KIAA2012: variants seen among roughly 807,000 people sequenced by gnomAD.
The protein encoded by KIAA2012 is uncharacterized protein KIAA2012.
Under a neutral mutation model 150.6 loss-of-function variants are expected in KIAA2012, and 125 were observed. The ratio of observed to expected loss-of-function variants is 0.83; its 90% CI spans 0.72 to 0.96. The LOEUF (loss-of-function observed/expected upper bound fraction) is 0.96. Among genes scored for constraint, KIAA2012 ranks in the 40% least tolerant of loss-of-function variants. The probability of loss-of-function intolerance (pLI) is 0.00; values close to 1 mark genes in which losing one functional copy is unlikely to be tolerated. For synonymous variants in KIAA2012, 462 were observed against 504.7 expected (o/e 0.92, Z 1.13); for missense variants, 1,219 against 1,354.9 (o/e 0.90, Z 1.57).
At chr2:202,175,318 A>C (rs1040462152) in intron 15 of KIAA2012, among the ~76,000 whole-genome samples, 2 of 152,228 alleles carry the variant, frequency 1.3e-5, no homozygotes, top group Non-Finnish European at 2.9e-5. Context: ...GTGCAATTTC[A>C]ATTTTAAAAA....
intron 15 of KIAA2012, among the ~76,000 whole-genome samples, chr2:202,174,888 C>T (rs1053046166): frequency 1.1e-4 from 16 of 152,110 alleles, no homozygotes; most frequent in Admixed American, 5.9e-4. Context: ...TGCTGGTGCG[C>T]TGCACCGAGA....
intron 22 of KIAA2012, among the ~76,000 whole-genome samples, chr2:202,200,778 C>T (rs1475300944): frequency 7.3e-6 from 1 of 137,530 alleles, no homozygotes; most frequent in Non-Finnish European, 1.5e-5. Flanking sequence ...GTGATCTCGG[C>T]TCACCGCAAC....
At chr2:202,098,025 A>G (rs929061578) in intron 5 of KIAA2012, among the ~76,000 whole-genome samples, 1 of 152,326 alleles carries the variant, frequency 6.6e-6, no homozygotes, top group African/African-American at 2.4e-5. Context: ...ATTTCCCCAA[A>G]GTGTCACCTA....
At chr2:202,140,316 G>T (rs936018917) in intron 13 of KIAA2012, among the ~76,000 whole-genome samples, 1 of 152,188 alleles carries the variant, frequency 6.6e-6, no homozygotes, top group Non-Finnish European at 1.5e-5. Flanking sequence ...ACACCAGAGC[G>T]AGGGGTCTTA....
rs1692196204 is a variant in KIAA2012, at chr2:202,184,850, G to T, written c.2210+7G>T. 6.5e-7 allele frequency: 1 copy of T among 1,537,664 alleles called. No homozygotes were observed. The highest frequency in any genetic ancestry group is 1.4e-5 in the African/African-American group (1 of 72,154). ...CAGATATTGTGCAAAAAGTGTAAGT[G>T]TTCAAAGTTGTAATAACATAGGCTT... On this transcript the variant is annotated splice_region_variant and intron_variant, in intron 16 of 23. Coordinates refer to ENST00000498697, the MANE Select transcript of KIAA2012 (RefSeq NM_001277372.4).
At chr2:202,086,183 A>AAAAG (rs982555631) in intron 2 of KIAA2012, among the ~76,000 whole-genome samples, 15 of 150,436 alleles carry the variant, frequency 1.0e-4, no homozygotes, top group South Asian at 2.1e-4. Context: ...AAAAAAAAAA[A>AAAAG]AAAGAAAGAA....
At chr2:202,172,357 T>A (rs1691911257) in intron 15 of KIAA2012, among the ~76,000 whole-genome samples, 1 of 152,196 alleles carries the variant, frequency 6.6e-6, no homozygotes, top group Non-Finnish European at 1.5e-5. Context: ...AATCTTTGAG[T>A]TGTGATGCCA....
chr2:202,079,464 C>G (rs942985668), intron 2 of KIAA2012, among the ~76,000 whole-genome samples: 3 of 152,202 alleles, frequency 2.0e-5, no homozygotes, highest in Non-Finnish European at 4.4e-5. Flanking sequence ...CCACCCAGAC[C>G]TGTAAGAATA....
chr2:202,158,568 G>T (rs925486715), intron 14 of KIAA2012, among the ~76,000 whole-genome samples: 20 of 151,854 alleles, frequency 1.3e-4, no homozygotes, highest in Admixed American at 1.2e-3. Flanking sequence ...CACCATGTTG[G>T]CCAGGCTGGT....
At position 202,132,698 on chromosome 2, in the gene KIAA2012, A is replaced by G. The variant is rs377368135; in HGVS notation, c.1832-5734A>G. On this transcript the variant is annotated intron_variant, in intron 12 of 23. Transcript: ENST00000498697. ...AAAATACATATATATATATGTATGT[A>G]TATATATATGTATATATGTATATAT... 2.2e-3 allele frequency among the ~76,000 whole-genome samples: 133 copies of G among 60,426 alleles called. 2 individuals carry two copies. The highest frequency in any genetic ancestry group is 3.8e-3 in the African/African-American group (57 of 14,848). 39.6% of individuals were successfully genotyped at this position (60,426 alleles called of 152,430 possible). A position where few individuals can be genotyped will look rare whatever the true frequency, so the allele number is the denominator to read the frequency against.
chr2:202,161,686 T>C (rs1162326406), intron 14 of KIAA2012, among the ~76,000 whole-genome samples: 2 of 152,078 alleles, frequency 1.3e-5, no homozygotes, highest in Admixed American at 1.3e-4. Context: ...CAGAAACCTG[T>C]CATAATCTGC....
chr2:202,139,632 G>A (rs1322195027), intron 13 of KIAA2012, among the ~76,000 whole-genome samples: 1 of 152,218 alleles, frequency 6.6e-6, no homozygotes, highest in Non-Finnish European at 1.5e-5. Context: ...AACTCTCTGT[G>A]ACAACCCTAG....
At chr2:202,158,960 G>T (rs974992451) in intron 14 of KIAA2012, among the ~76,000 whole-genome samples, 2 of 152,096 alleles carry the variant, frequency 1.3e-5, no homozygotes, top group Non-Finnish European at 2.9e-5. Flanking sequence ...CTTCCACCTC[G>T]CAGTTCCCAC....
chr2:202,182,092 CT>C (rs373880858), intron 15 of KIAA2012, among the ~76,000 whole-genome samples: 72 of 136,948 alleles, frequency 5.3e-4, no homozygotes, highest in African/African-American at 9.1e-4. Context: ...GCCATATGTA[CT>C]TTTTTTTCTT....
intron 9 of KIAA2012, among the ~76,000 whole-genome samples, chr2:202,108,293 G>GT (rs759876058): frequency 6.6e-6 from 1 of 152,124 alleles, no homozygotes; most frequent in Non-Finnish European, 1.5e-5. Context: ...TTATCAGCAC[G>GT]TATCTCCTAA....
chr2:202,097,632 C>T (rs1354828722), intron 5 of KIAA2012, 55 bp downstream of exon 5: 1 of 1,528,564 alleles, frequency 6.5e-7, no homozygotes, highest in African/African-American at 1.4e-5. Flanking sequence ...CTCTGTCACC[C>T]AGGCTAGAGT....
intron 4 of KIAA2012, among the ~76,000 whole-genome samples, chr2:202,094,070 C>T (rs544642162): frequency 1.1e-4 from 16 of 152,300 alleles, no homozygotes; most frequent in African/African-American, 3.8e-4. Flanking sequence ...TTACTTGAGG[C>T]TAGGAGCTTG....
At position 202,141,261 on chromosome 2, in the gene KIAA2012, C is replaced by T. The variant is rs1691191812; in HGVS notation, c.1908+2753C>T. Among the ~76,000 whole-genome samples, 3 of 151,864 alleles carry T rather than the reference C, an allele frequency of 2.0e-5. No individual in the cohort carries two copies. The South Asian group carries it at 6.2e-4, about 31-fold the overall frequency. On this transcript the variant is annotated intron_variant, in intron 13 of 23. Coordinates refer to ENST00000498697, the MANE Select transcript of KIAA2012 (RefSeq NM_001277372.4). Reference sequence around the variant, plus strand: ...GATGGCAAATGGTGGGAATGGTTCCCAAGGCACCCCTTCCACACCTGACCC... The same window carrying T: ...GATGGCAAATGGTGGGAATGGTTCCTAAGGCACCCCTTCCACACCTGACCC...
At chr2:202,088,909 G>A (rs553986933) in intron 2 of KIAA2012, among the ~76,000 whole-genome samples, 1 of 152,286 alleles carries the variant, frequency 6.6e-6, no homozygotes, top group African/African-American at 2.4e-5. Context: ...AGGTTCAGAA[G>A]GTTCCAGAGC....
Sources: allele counts gnomAD v4.1 joint callset (sites outside exome capture counted in the v4.1 genomes callset), GRCh38; gene constraint gnomAD v4.1.1; transcripts MANE v1.5; gene names NCBI Gene and HGNC (gene_info 2026-07-23, HGNC 2026-07-21).